MME: variants seen among roughly 807,000 people sequenced by gnomAD.
The protein encoded by MME is neprilysin.
MME carries 98 observed loss-of-function variants against 113.2 expected under a neutral mutation model. The observed-to-expected ratio is 0.87, with a 90% CI of 0.74 to 1.02. The LOEUF is 1.02. Ranked by LOEUF, MME falls within the 50% of genes least tolerant of loss-of-function variation. MME has a pLI of 0.00. For synonymous variants in MME, 292 were observed against 300.6 expected, an observed-to-expected ratio of 0.97 and a Z score of 0.30; for missense variants, 836 against 896.0, an observed-to-expected ratio of 0.93 and a Z score of 0.86.
Position 155,116,997 on chromosome 3 carries a change from G to A in MME, c.654+11G>A. ...AATCATGTAATTCATGTAAGTTTGT[G>A]TGTCAAATAACTAAAGTTACCTTTA... On this transcript the variant is annotated intron_variant, in intron 7 of 22. Transcript: ENST00000360490. 7.2e-7 allele frequency: 1 copy of A among 1,397,414 alleles called. No homozygotes were observed. Among genetic ancestry groups the A allele is most frequent in the Admixed American group, 1.7e-5 (1 of 59,602 alleles). The allele number at this position is 1,397,414 out of a possible 1,614,324, so 86.6% of individuals were successfully genotyped here. A position where few individuals can be genotyped will look rare whatever the true frequency, so the allele number is the denominator to read the frequency against.
chr3:155,136,905 C>A (rs915375922), intron 8 of MME, among the ~76,000 whole-genome samples: 1 of 152,112 alleles, frequency 6.6e-6, no homozygotes, highest in African/African-American at 2.4e-5. Context: ...TCCATAATCA[C>A]AATTGACTGC....
At chr3:155,172,384 TG>T in intron 21 of MME, 151 bp from the exon 22 acceptor site, 1 of 800,968 alleles carries the variant, frequency 1.2e-6, no homozygotes. Context: ...ACTATGTTCC[TG>T]GTTGCCTTTC....
chr3:155,128,430 T>C (rs1719861877), intron 8 of MME, among the ~76,000 whole-genome samples: 1 of 152,220 alleles, frequency 6.6e-6, no homozygotes, highest in Non-Finnish European at 1.5e-5. Context: ...TTGTGTCTTA[T>C]TGCTTCATGA....
chr3:155,079,518 C>T (rs1232090350), upstream of MME: 3 of 152,328 alleles, frequency 2.0e-5, no homozygotes, highest in East Asian at 5.8e-4. Flanking sequence ...CCCCCGTCTC[C>T]CCGGCCCCCT....
chr3:155,042,457 TAGAAGAAA>T (rs1713357040), intron 1 of MME, among the ~76,000 whole-genome samples: 2 of 151,946 alleles, frequency 1.3e-5, no homozygotes, highest in Non-Finnish European at 2.9e-5. Flanking sequence ...CATCAGGGAG[TAGAAGAAA>T]GATAGGCACA....
chr3:155,158,739 AATT>A (rs1231270758), intron 16 of MME: 3 of 152,036 alleles, frequency 2.0e-5, no homozygotes, highest in Non-Finnish European at 2.9e-5. Context: ...AGTCAACACA[AATT>A]ATGTGGGAAG....
intron 1 of MME, 43 bp from the exon 2 acceptor site, chr3:155,084,110 CTTTTT>C: frequency 1.4e-6 from 2 of 1,442,304 alleles, no homozygotes; most frequent in Non-Finnish European, 1.9e-6. Flanking sequence ...TGGACATTTT[CTTTTT>C]TATTTATTTG....
intron 3 of MME, among the ~76,000 whole-genome samples, chr3:155,096,444 A>G (rs1219133721): frequency 6.6e-6 from 1 of 152,214 alleles, no homozygotes; most frequent in Non-Finnish European, 1.5e-5. Flanking sequence ...GAGTGGAGGC[A>G]AGGAGAAGTG....
intron 1 of MME, among the ~76,000 whole-genome samples, chr3:155,031,459 GGAA>G (rs1712969222): frequency 1.3e-5 from 2 of 151,954 alleles, no homozygotes; most frequent in South Asian, 2.1e-4. Flanking sequence ...AGATCATAGA[GGAA>G]GAAGAAGGAG....
At chr3:155,139,870 A>T (rs1720923903) in intron 9 of MME, among the ~76,000 whole-genome samples, 1 of 152,222 alleles carries the variant, frequency 6.6e-6, no homozygotes, top group Admixed American at 6.5e-5. Context: ...AATATGAAAC[A>T]TTCACAGACA....
chr3:155,048,513 A>C (rs1713643427), intron 1 of MME, among the ~76,000 whole-genome samples: 1 of 152,168 alleles, frequency 6.6e-6, no homozygotes, highest in Non-Finnish European at 1.5e-5. Flanking sequence ...TTTTGTACTT[A>C]AATGACAACA....
rs201935217 is a variant in MME at position 155,180,413 on chromosome 3, G to T, written c.2207G>T (p.Arg736Leu). The change falls in exon 23 of 23, where the codon CGC becomes CTC. Residue 736 changes from arginine (R) to leucine (L), a missense_variant. Physicochemically the swap from Arg to Leu is moderately radical, Grantham distance 102 (BLOSUM62 -2). Transcript: ENST00000360490. ...GAGTTTTCAGAAGCCTTTCACTGCC[G>T]CAAGAATTCATACATGAATCCAGAA... The part of the protein sequence containing the change: ...SAEFSEAFHC[R>L]KNSYMNPEKK... The T allele has an allele frequency of 4.2e-5, 67 of 1,613,356 alleles. 1 individual carries two copies. Among genetic ancestry groups the T allele is most frequent in the Non-Finnish European group, 5.1e-5 (60 of 1,179,562 alleles).
intron 22 of MME, among the ~76,000 whole-genome samples, chr3:155,177,725 T>G (rs1452145379): frequency 2.0e-5 from 3 of 152,176 alleles, no homozygotes; most frequent in Non-Finnish European, 1.5e-5. Context: ...AATGGACATT[T>G]GTTTTTTTCA....
chr3:155,170,657 C>G (rs557973997), intron 20 of MME, among the ~76,000 whole-genome samples: 8 of 152,228 alleles, frequency 5.3e-5, no homozygotes, highest in Admixed American at 4.6e-4. Flanking sequence ...ATCTTCAGAT[C>G]AAGACTAAGC....
At chr3:155,097,395 C>T (rs923806087) in intron 3 of MME, among the ~76,000 whole-genome samples, 6 of 152,040 alleles carry the variant, frequency 3.9e-5, no homozygotes, top group African/African-American at 9.6e-5. Context: ...GGAAAATCAG[C>T]GAAGTGTAAA....
rs770141554 is a variant in MME, at chr3:155,116,670, T to A, written c.446T>A (p.Ile149Asn). ...LYRSCINESAIDSRGGEPLLK... is the reference protein window; with the variant it reads ...LYRSCINESANDSRGGEPLLK... ...TGTTTGTTGTTTCCAAAAGCTGCTA[T>A]TGATAGCAGAGGTGGAGAACCTCTA... The change falls in exon 6 of 23, where the codon ATT becomes AAT. Residue 149 changes from isoleucine to asparagine, a missense_variant. Coordinates refer to ENST00000360490, the MANE Select transcript of MME (RefSeq NM_007289.4). The A allele has an allele frequency of 6.2e-7, 1 of 1,612,038 alleles. No individual in the cohort carries two copies. The highest frequency in any genetic ancestry group is 1.3e-5 in the African/African-American group (1 of 74,812).
rs997136569 is a variant in MME at position 155,180,532 on chromosome 3, A to G, written c.*73A>G. The G allele has an allele frequency of 5.9e-6, 7 of 1,179,692 alleles. No homozygotes were observed. The Admixed American group carries it at 1.0e-4, about 17-fold the overall frequency. 73.1% of individuals were successfully genotyped at this position (1,179,692 alleles called of 1,614,324 possible). On this transcript the variant is annotated 3_prime_UTR_variant, in exon 23 of 23. Coordinates refer to ENST00000360490, the MANE Select transcript of MME (RefSeq NM_007289.4). Reference sequence around the variant, plus strand: ...AGAAATGGGGAATTCTCTAATCGAAAGAAAATGGGCCCTAGGGGTCACTGT... The same window carrying G: ...AGAAATGGGGAATTCTCTAATCGAAGGAAAATGGGCCCTAGGGGTCACTGT...
intron 1 of MME, among the ~76,000 whole-genome samples, chr3:155,059,891 C>A (rs1261703973): frequency 1.3e-5 from 2 of 151,898 alleles, no homozygotes; most frequent in East Asian, 3.9e-4. Flanking sequence ...AATAAACACA[C>A]AAATAAAATG....
chr3:155,117,893 GC>G (rs1322622275), intron 7 of MME, among the ~76,000 whole-genome samples: 1 of 151,968 alleles, frequency 6.6e-6, no homozygotes, highest in African/African-American at 2.4e-5. Flanking sequence ...TTTTCTATTG[GC>G]CTAGGCTCTC....
Sources: allele counts gnomAD v4.1 joint callset (sites outside exome capture counted in the v4.1 genomes callset), GRCh38; gene constraint gnomAD v4.1.1; transcripts MANE v1.5; gene names NCBI Gene and HGNC (gene_info 2026-07-23, HGNC 2026-07-21).